TCF20: variants seen among roughly 807,000 people sequenced by gnomAD.
TCF20 encodes the protein SPRE-binding protein.
TCF20 carries 3 observed loss-of-function variants against 148.6 expected under a neutral mutation model. The observed-to-expected ratio is 0.02, with a 90% CI of 0.01 to 0.05. The LOEUF (loss-of-function observed/expected upper bound fraction) is 0.05. Ranked by LOEUF, TCF20 falls within the 10% of genes least tolerant of loss-of-function variation. TCF20 has a pLI of 1.00. For synonymous variants in TCF20, 1,049 were observed against 909.5 expected, an observed-to-expected ratio of 1.15 and a Z score of -2.76; for missense variants, 2,350 against 2,429.3, an observed-to-expected ratio of 0.97 and a Z score of 0.69.
chr22:42,247,811 C>T (rs533859642), intron 1 of TCF20, among the ~76,000 whole-genome samples: 1 of 151,788 alleles, frequency 6.6e-6, no homozygotes, highest in South Asian at 2.1e-4. Flanking sequence ...TCTACTTCCA[C>T]AAGCCTTGAC....
At chr22:42,169,077 T>C (rs1935964988) in intron 4 of TCF20, among the ~76,000 whole-genome samples, 2 of 151,572 alleles carry the variant, frequency 1.3e-5, no homozygotes, top group East Asian at 3.9e-4. Context: ...ACAACCTCCT[T>C]CTAGTACTTT....
chr22:42,222,805 A>T (rs1032708713), intron 1 of TCF20, among the ~76,000 whole-genome samples: 2 of 152,190 alleles, frequency 1.3e-5, no homozygotes, highest in Non-Finnish European at 2.9e-5. Flanking sequence ...GTAAAAACAA[A>T]CCAATTAAAG....
chr22:42,246,521 C>T (rs868408827), intron 1 of TCF20, among the ~76,000 whole-genome samples: 2 of 152,338 alleles, frequency 1.3e-5, no homozygotes, highest in Middle Eastern at 3.4e-3. Flanking sequence ...AAACTAAATA[C>T]CATTGTTTGC....
chr22:42,227,842 G>A (rs2147267341), intron 1 of TCF20, among the ~76,000 whole-genome samples: 1 of 152,308 alleles, frequency 6.6e-6, no homozygotes, highest in South Asian at 2.1e-4. Flanking sequence ...TGCATAAGAA[G>A]AAGACTGATG....
chr22:42,314,357 C>T (rs972461349), intron 1 of TCF20, among the ~76,000 whole-genome samples: 1 of 152,254 alleles, frequency 6.6e-6, no homozygotes, highest in Non-Finnish European at 1.5e-5. Context: ...GACAGGCTGC[C>T]AGAGCGCCGA....
intron 1 of TCF20, among the ~76,000 whole-genome samples, chr22:42,246,402 C>T (rs983983286): frequency 6.6e-6 from 1 of 152,218 alleles, no homozygotes; most frequent in Non-Finnish European, 1.5e-5. Flanking sequence ...AGTCACCAGG[C>T]CTGGCCTCAA....
chr22:42,339,752 T>G (rs1210998814), intron 1 of TCF20, among the ~76,000 whole-genome samples: 1 of 152,182 alleles, frequency 6.6e-6, no homozygotes, highest in Non-Finnish European at 1.5e-5. Flanking sequence ...CTGCCCCAAC[T>G]GCTGCCTATC....
At chr22:42,224,534 C>CAAAAAA (rs66858906) in intron 1 of TCF20, among the ~76,000 whole-genome samples, 2 of 39,566 alleles carry the variant, frequency 5.1e-5, no homozygotes, top group African/African-American at 1.9e-4. Context: ...AAAGCTGGTA[C>CAAAAAA]AAAAAAAAAA....
At chr22:42,272,334 A>G (rs572046982), upstream of TCF20, among the ~76,000 whole-genome samples, 1 of 152,378 alleles carries the variant, frequency 6.6e-6, no homozygotes, top group African/African-American at 2.4e-5. Flanking sequence ...GGACAAAAAT[A>G]GGAGAATGCA....
In TCF20 at chr22:42,231,854, G is replaced by A. The variant is rs968640188; in HGVS notation, c.-36-16513C>T. 6.2e-4 allele frequency among the ~76,000 whole-genome samples: 94 copies of A among 150,780 alleles called. 1 individual carries two copies. The highest frequency in any genetic ancestry group is 6.3e-4 in the South Asian group (3 of 4,782). On this transcript the variant is annotated intron_variant, in intron 1 of 5. Coordinates refer to ENST00000677622, the MANE Select transcript of TCF20 (RefSeq NM_001378418.1). ...TGAGGCAGAAGAATGACGTGAACCC[G>A]GGAGGCGGAGCTTGCAGTGAGCCAA...
chr22:42,203,665 T>G (rs1938192966), intron 2 of TCF20, among the ~76,000 whole-genome samples: 1 of 152,034 alleles, frequency 6.6e-6, no homozygotes, highest in Non-Finnish European at 1.5e-5. Flanking sequence ...CTGAAAGCCA[T>G]GGGAACAGGG....
intron 2 of TCF20, among the ~76,000 whole-genome samples, chr22:42,201,551 T>A (rs554095153): frequency 6.6e-6 from 1 of 152,120 alleles, no homozygotes; most frequent in Non-Finnish European, 1.5e-5. Context: ...ACGGATCAGT[T>A]GAGGTCAGGA....
intron 1 of TCF20, among the ~76,000 whole-genome samples, chr22:42,225,166 T>G (rs182265921): frequency 1.1e-3 from 169 of 152,132 alleles, no homozygotes; most frequent in African/African-American, 4.0e-3. Flanking sequence ...CGGCTAATTT[T>G]TGTATTTTTA....
chr22:42,189,986 A>C (rs1937247420), intron 2 of TCF20, among the ~76,000 whole-genome samples: 1 of 152,202 alleles, frequency 6.6e-6, no homozygotes, highest in South Asian at 2.1e-4. Flanking sequence ...GCTGATCTGG[A>C]ATAGCAGCAG....
At position 42,204,876 on chromosome 22, in the gene TCF20, C is replaced by T. The variant is rs184715720; in HGVS notation, c.5655+4775G>A. ...AATAAAAATAGAAAATAAAAATTAA[C>T]CTAAAACCAGTTAACATATACTGTC... On this transcript the variant is annotated intron_variant, in intron 2 of 5. Coordinates refer to ENST00000677622, the MANE Select transcript of TCF20 (RefSeq NM_001378418.1). Among the ~76,000 whole-genome samples the T allele has an allele frequency of 1.4e-3, 209 of 152,036 alleles. 1 individual carries two copies. Among genetic ancestry groups the T allele is most frequent in the Admixed American group, 6.5e-3 (99 of 15,278 alleles).
intron 5 of TCF20, among the ~76,000 whole-genome samples, chr22:42,166,129 A>G (rs1935768849): frequency 1.3e-5 from 2 of 152,252 alleles, no homozygotes; most frequent in East Asian, 3.8e-4. Context: ...GAAAAGCTAT[A>G]TGCCTTGTGG....
intron 2 of TCF20, among the ~76,000 whole-genome samples, chr22:42,208,058 G>A (rs966811942): frequency 6.6e-6 from 1 of 151,994 alleles, no homozygotes; most frequent in African/African-American, 2.4e-5. Context: ...CAGGTGTACT[G>A]GCATGCACCT....
chr22:42,269,830 G>A (rs1374581515), intron 1 of TCF20: 2 of 152,318 alleles, frequency 1.3e-5, no homozygotes, highest in African/African-American at 2.4e-5. Flanking sequence ...CTGCTCTCCT[G>A]GGCGCCCCAG....
chr22:42,188,381 A>AACC (rs1212666539), intron 2 of TCF20, among the ~76,000 whole-genome samples: 4 of 151,504 alleles, frequency 2.6e-5, no homozygotes, highest in Non-Finnish European at 1.5e-5. Context: ...ATGTGAAGGT[A>AACC]ACCCTTGGCT....
Sources: allele counts gnomAD v4.1 joint callset (sites outside exome capture counted in the v4.1 genomes callset), GRCh38; gene constraint gnomAD v4.1.1; transcripts MANE v1.5; gene names NCBI Gene and HGNC (gene_info 2026-07-23, HGNC 2026-07-21).